ENOX1: variants seen among roughly 807,000 people sequenced by gnomAD.
ENOX1 encodes the protein candidate growth-related and time keeping constitutive hydroquinone (NADH) oxidase.
A neutral mutation model predicts 82.5 loss-of-function variants in ENOX1; 42 were observed. That is an observed-to-expected ratio of 0.51 (90% CI 0.40 to 0.66). The LOEUF (loss-of-function observed/expected upper bound fraction) is 0.66, where lower values mean the gene tolerates loss of function less well. Among genes scored for constraint, ENOX1 ranks in the 30% least tolerant of loss-of-function variants. The pLI, the probability that ENOX1 is intolerant of heterozygous loss-of-function variation, is 0.00. For synonymous variants in ENOX1, 271 were observed against 282.2 expected, an observed-to-expected ratio of 0.96 and a Z score of 0.40; for missense variants, 608 against 811.6, an observed-to-expected ratio of 0.75 and a Z score of 3.05.
chr13:43,563,247 T>C (rs181029261), intron 2 of ENOX1, among the ~76,000 whole-genome samples: 1 of 152,232 alleles, frequency 6.6e-6, no homozygotes, highest in East Asian at 1.9e-4. Context: ...TTTTGGAAAG[T>C]ATACAAACAC....
chr13:43,408,285 A>G (rs768415835), intron 5 of ENOX1, among the ~76,000 whole-genome samples: 59 of 152,214 alleles, frequency 3.9e-4, no homozygotes, highest in Admixed American at 5.2e-4. Context: ...GCCTTGCTTT[A>G]CTGATAATTT....
chr13:43,662,311 T>C (rs1173437484), intron 2 of ENOX1, among the ~76,000 whole-genome samples: 1 of 152,174 alleles, frequency 6.6e-6, no homozygotes. Flanking sequence ...TGTCTCCAGA[T>C]CTGCAACTGA....
chr13:43,556,724 CAAA>C (rs747308301), intron 2 of ENOX1, among the ~76,000 whole-genome samples: 1 of 117,538 alleles, frequency 8.5e-6, no homozygotes, highest in Non-Finnish European at 1.9e-5. Context: ...GTTCTATTCT[CAAA>C]AAAAAAAAAA....
At chr13:43,342,842 A>G (rs1272138443) in intron 9 of ENOX1, among the ~76,000 whole-genome samples, 7 of 152,202 alleles carry the variant, frequency 4.6e-5, no homozygotes, top group African/African-American at 9.7e-5. Flanking sequence ...TGCTTCAAAT[A>G]TGGGCCAACT....
chr13:43,447,601 C>G (rs993799170), intron 3 of ENOX1, among the ~76,000 whole-genome samples: 2 of 151,920 alleles, frequency 1.3e-5, no homozygotes, highest in Non-Finnish European at 2.9e-5. Flanking sequence ...ACCTTTTTCA[C>G]TCATTCATAT....
intron 2 of ENOX1, among the ~76,000 whole-genome samples, chr13:43,570,417 A>G (rs778207561): frequency 5.6e-4 from 85 of 152,208 alleles, no homozygotes; most frequent in Non-Finnish European, 1.1e-3. Flanking sequence ...CCCCAAATTT[A>G]GGAGCCAATG....
chr13:43,342,919 G>GAAATATTGAAA, intron 9 of ENOX1, among the ~76,000 whole-genome samples: 1 of 152,146 alleles, frequency 6.6e-6, no homozygotes, highest in Non-Finnish European at 1.5e-5. Context: ...CATTTTAATA[G>GAAATATTGAAA]GTGCCTCTTT....
rs187895169 is a variant in ENOX1, at chr13:43,602,136, C to T, written c.-219+65343G>A. 6.5e-3 allele frequency among the ~76,000 whole-genome samples: 981 copies of T among 151,926 alleles called. 7 individuals carry two copies. The highest frequency in any genetic ancestry group is 0.023 in the African/African-American group (950 of 41,456). On this transcript the variant is annotated intron_variant, in intron 2 of 16. Coordinates refer to ENST00000690772, the MANE Select transcript of ENOX1 (RefSeq NM_001347969.2). ...TTATTGTAGAAGAGTCTTATGTAAGCATAAGAGCAAAGAAAGATCCCACCA... is the reference window on the plus strand; with the variant it reads ...TTATTGTAGAAGAGTCTTATGTAAGTATAAGAGCAAAGAAAGATCCCACCA...
chr13:43,397,052 CT>C (rs1184347327), intron 5 of ENOX1, among the ~76,000 whole-genome samples: 1 of 152,210 alleles, frequency 6.6e-6, no homozygotes, highest in Non-Finnish European at 1.5e-5. Context: ...CCTTCCCAGT[CT>C]TCTCCGGTGG....
intron 2 of ENOX1, among the ~76,000 whole-genome samples, chr13:43,489,701 G>A (rs916747911): frequency 3.9e-5 from 6 of 152,160 alleles, no homozygotes; most frequent in Admixed American, 3.3e-4. Context: ...GCCCGCGAGA[G>A]CTGCTTCATG....
intron 5 of ENOX1, among the ~76,000 whole-genome samples, chr13:43,395,405 A>C (rs1220797581): frequency 6.6e-6 from 1 of 152,088 alleles, no homozygotes; most frequent in East Asian, 1.9e-4. Flanking sequence ...AGTCCCAGTT[A>C]CTCAGGAGAC....
chr13:43,386,905 CATTA>C (rs1295582605), intron 5 of ENOX1, among the ~76,000 whole-genome samples: 1 of 151,918 alleles, frequency 6.6e-6, no homozygotes, highest in Non-Finnish European at 1.5e-5. Context: ...GACGTGGTAA[CATTA>C]TAGAAAAAAG....
At chr13:43,318,503 G>A (rs972867921) in intron 11 of ENOX1, among the ~76,000 whole-genome samples, 3 of 152,150 alleles carry the variant, frequency 2.0e-5, no homozygotes, top group Non-Finnish European at 2.9e-5. Context: ...TGGCCTGTTC[G>A]CCATGTGACA....
intron 3 of ENOX1, among the ~76,000 whole-genome samples, chr13:43,416,289 AGAGATGCTCCCCACTTCCCAGACGGGGCG>A (rs1435612083): frequency 2.7e-5 from 4 of 148,346 alleles, no homozygotes; most frequent in South Asian, 2.1e-4. Flanking sequence ...GCGGCCGGGC[AGAGATGCTCCCCACTTCCCAGACGGGGCG>A]GCCGGGCAGA....
intron 15 of ENOX1, among the ~76,000 whole-genome samples, chr13:43,226,136 A>G (rs1028626699): frequency 1.3e-5 from 2 of 152,152 alleles, no homozygotes; most frequent in African/African-American, 4.8e-5. Context: ...TGAAATTCTC[A>G]ATTCTGGTGA....
intron 2 of ENOX1, among the ~76,000 whole-genome samples, chr13:43,533,612 A>G (rs2078325601): frequency 6.6e-6 from 1 of 152,172 alleles, no homozygotes; most frequent in Non-Finnish European, 1.5e-5. Context: ...GACTTCTTAA[A>G]TCAGATTACT....
intron 1 of ENOX1, among the ~76,000 whole-genome samples, chr13:43,715,271 G>A (rs1419472857): frequency 1.1e-4 from 17 of 152,152 alleles, no homozygotes; most frequent in Non-Finnish European, 2.2e-4. Flanking sequence ...AGTTTCTGCC[G>A]AGAGATCCGC....
intron 5 of ENOX1, among the ~76,000 whole-genome samples, chr13:43,409,216 A>G (rs1017510251): frequency 2.6e-5 from 4 of 152,160 alleles, no homozygotes; most frequent in African/African-American, 9.7e-5. Context: ...TGCATATCAA[A>G]TTAGTAAATA....
intron 16 of ENOX1, 55 bp downstream of exon 16, chr13:43,223,998 G>A: frequency 1.5e-6 from 2 of 1,336,894 alleles, no homozygotes; most frequent in South Asian, 2.4e-5. Flanking sequence ...CCTGCAGGCA[G>A]CAATCAACAT....
Sources: gnomAD v4.1 joint callset for allele counts (sites outside exome capture counted in the v4.1 genomes callset) on GRCh38, gnomAD v4.1.1 for gene constraint, MANE v1.5 for transcripts, NCBI Gene and HGNC (gene_info 2026-07-23, HGNC 2026-07-21) for gene names.